Variants in PLXDC2 observed in about 807,000 individuals in gnomAD.
PLXDC2 encodes plexin domain-containing protein 2.
PLXDC2 carries 40 observed loss-of-function variants against 68.9 expected under a neutral mutation model. That is an observed-to-expected ratio of 0.58 (90% CI 0.45 to 0.76). The LOEUF (loss-of-function observed/expected upper bound fraction) is 0.76, where lower values mean the gene tolerates loss of function less well. Among genes scored for constraint, PLXDC2 ranks in the 30% least tolerant of loss-of-function variants. The pLI is 0.00. For synonymous variants in PLXDC2, 243 were observed against 234.2 expected (o/e 1.04, Z -0.34); for missense variants, 644 against 661.9 (o/e 0.97, Z 0.30).
chr10:20,215,431 A>G (rs747868025), intron 10 of PLXDC2, among the ~76,000 whole-genome samples: 3 of 152,082 alleles, frequency 2.0e-5, no homozygotes, highest in Non-Finnish European at 2.9e-5. Context: ...ATGGAGGGAA[A>G]GCAGTATAAT....
intron 4 of PLXDC2, among the ~76,000 whole-genome samples, chr10:20,072,456 A>AG: frequency 7.2e-6 from 1 of 139,664 alleles, no homozygotes; most frequent in Non-Finnish European, 1.6e-5. Flanking sequence ...AAAGAAAGAA[A>AG]AAGAAGAAAG....
In PLXDC2 at chr10:20,281,746, T is replaced by G. The variant is rs1836084565; in HGVS notation, c.*1927T>G. 6.6e-6 allele frequency: 1 copy of G among 152,152 alleles called. No homozygotes were observed. The highest frequency in any genetic ancestry group is 6.6e-5 in the Admixed American group (1 of 15,258). The allele number at this position is 152,152 out of a possible 1,614,324, so 9.4% of individuals were successfully genotyped here. A position where few individuals can be genotyped will look rare whatever the true frequency, so the allele number is the denominator to read the frequency against. On this transcript the variant is annotated 3_prime_UTR_variant, in exon 14 of 14. Coordinates refer to ENST00000377252, the MANE Select transcript of PLXDC2 (RefSeq NM_032812.9). ...GTTTATGTGAAGTATCCCCACTTATTCTTGTGGAGCAGGTTTGGTGAGACA... is the reference window on the plus strand; with the variant it reads ...GTTTATGTGAAGTATCCCCACTTATGCTTGTGGAGCAGGTTTGGTGAGACA...
At chr10:20,273,578 T>C (rs1835967197) in intron 13 of PLXDC2, among the ~76,000 whole-genome samples, 6 of 152,238 alleles carry the variant, frequency 3.9e-5, no homozygotes, top group Admixed American at 3.9e-4. Flanking sequence ...TATGTATATA[T>C]GTATGTTGAC....
intron 12 of PLXDC2, among the ~76,000 whole-genome samples, chr10:20,242,403 T>G (rs1367711984): frequency 6.6e-6 from 1 of 152,160 alleles, no homozygotes; most frequent in Admixed American, 6.5e-5. Context: ...CTAAGAACTT[T>G]ATATGTATTA....
intron 12 of PLXDC2, among the ~76,000 whole-genome samples, chr10:20,240,610 G>T (rs1033488990): frequency 6.8e-6 from 1 of 146,536 alleles, no homozygotes; most frequent in African/African-American, 2.5e-5. Flanking sequence ...TAATTAAGCC[G>T]TCATAATACC....
intron 1 of PLXDC2, among the ~76,000 whole-genome samples, chr10:19,872,184 C>T (rs1166302639): frequency 6.6e-6 from 1 of 152,150 alleles, no homozygotes; most frequent in Non-Finnish European, 1.5e-5. Flanking sequence ...TAGTCCAGGA[C>T]ATGAACGAAG....
chr10:20,278,878 T>C (rs1177117455), intron 13 of PLXDC2, among the ~76,000 whole-genome samples: 4 of 152,226 alleles, frequency 2.6e-5, no homozygotes, highest in Non-Finnish European at 5.9e-5. Context: ...AGTGTCACTA[T>C]GGCTGTGAAA....
In PLXDC2 at chr10:19,833,307, G is replaced by A. The variant is rs117204470; in HGVS notation, c.112+16116G>A. Among the ~76,000 whole-genome samples the A allele has an allele frequency of 2.9e-3, 441 of 152,308 alleles. 9 individuals carry two copies. The East Asian group carries it at 0.054, about 19-fold the overall frequency. On this transcript the variant is annotated intron_variant, in intron 1 of 13. Transcript: ENST00000377252. ...AGGCCAATGAGAGCCTTTGATGGCCGTGGGAACAGTAAATTGCAGCAGTGC... is the reference window on the plus strand; with the variant it reads ...AGGCCAATGAGAGCCTTTGATGGCCATGGGAACAGTAAATTGCAGCAGTGC...
At position 20,288,486 on chromosome 10, in the gene PLXDC2, C is replaced by T. The variant is rs778359656; in HGVS notation, c.*8667C>T. On this transcript the variant is annotated 3_prime_UTR_variant, in exon 14 of 14. Coordinates refer to ENST00000377252, the MANE Select transcript of PLXDC2 (RefSeq NM_032812.9). Reference sequence around the variant, plus strand: ...GTAAAAATGATTGTATCTGAATCTGCACTAATGGTGTCTGAGAGCAAAAAG... The same window carrying T: ...GTAAAAATGATTGTATCTGAATCTGTACTAATGGTGTCTGAGAGCAAAAAG... The T allele has an allele frequency of 4.6e-5, 7 of 151,982 alleles. No individual in the cohort carries two copies. Among genetic ancestry groups the T allele is most frequent in the Non-Finnish European group, 8.8e-5 (6 of 68,020 alleles). 9.4% of individuals were successfully genotyped at this position (151,982 alleles called of 1,614,324 possible). A position where few individuals can be genotyped will look rare whatever the true frequency, so the allele number is the denominator to read the frequency against.
At chr10:19,927,577 C>T (rs1386091580) in intron 1 of PLXDC2, among the ~76,000 whole-genome samples, 3 of 151,616 alleles carry the variant, frequency 2.0e-5, no homozygotes, top group African/African-American at 7.3e-5. Context: ...TGGCGCATGG[C>T]TATAGTCCCA....
intron 4 of PLXDC2, among the ~76,000 whole-genome samples, chr10:20,071,624 A>T (rs1301605198): frequency 6.6e-6 from 1 of 152,172 alleles, no homozygotes; most frequent in Non-Finnish European, 1.5e-5. Context: ...AGCCATGTAC[A>T]ACTGTGAGTC....
chr10:19,920,331 G>T (rs1833439160), intron 1 of PLXDC2, among the ~76,000 whole-genome samples: 1 of 152,190 alleles, frequency 6.6e-6, no homozygotes, highest in African/African-American at 2.4e-5. Context: ...CCTAAATGTT[G>T]CATTTCCCAA....
At chr10:20,140,518 G>A (rs1272271344) in intron 4 of PLXDC2, among the ~76,000 whole-genome samples, 5 of 151,782 alleles carry the variant, frequency 3.3e-5, no homozygotes, top group Non-Finnish European at 5.9e-5. Flanking sequence ...TGGTATCTGT[G>A]AGTACCTTTA....
intron 1 of PLXDC2, among the ~76,000 whole-genome samples, chr10:19,987,307 A>G (rs945940009): frequency 1.3e-5 from 2 of 152,138 alleles, no homozygotes; most frequent in Admixed American, 1.3e-4. Flanking sequence ...CACCATTCTA[A>G]ATACCTAAAC....
At chr10:19,860,633 T>A (rs1295899584) in intron 1 of PLXDC2, among the ~76,000 whole-genome samples, 3 of 152,200 alleles carry the variant, frequency 2.0e-5, no homozygotes, top group African/African-American at 7.2e-5. Context: ...AAGACATGTC[T>A]GTTTTGTTCA....
chr10:19,866,460 A>G (rs1310457866), intron 1 of PLXDC2, among the ~76,000 whole-genome samples: 2 of 152,164 alleles, frequency 1.3e-5, no homozygotes, highest in Admixed American at 6.5e-5. Flanking sequence ...TCTTTCTCAC[A>G]CTTAAAAGGA....
chr10:20,160,893 G>A (rs1203396405), intron 6 of PLXDC2, among the ~76,000 whole-genome samples: 1 of 152,116 alleles, frequency 6.6e-6, no homozygotes, highest in Non-Finnish European at 1.5e-5. Flanking sequence ...GGAGGCTGAG[G>A]CAGGAGTATT....
At chr10:19,933,196 C>G (rs889511218) in intron 1 of PLXDC2, among the ~76,000 whole-genome samples, 5 of 152,164 alleles carry the variant, frequency 3.3e-5, no homozygotes, top group African/African-American at 4.8e-5. Flanking sequence ...ATTCGTTATT[C>G]TTTTCTGTTT....
chr10:19,907,433 A>G (rs960703620), intron 1 of PLXDC2, among the ~76,000 whole-genome samples: 5 of 152,202 alleles, frequency 3.3e-5, no homozygotes, highest in African/African-American at 1.2e-4. Context: ...GCACAGGAAC[A>G]CAGCGAAGGA....
Sources: gnomAD v4.1 joint callset for allele counts (sites outside exome capture counted in the v4.1 genomes callset) on GRCh38, gnomAD v4.1.1 for gene constraint, MANE v1.5 for transcripts, NCBI Gene and HGNC (gene_info 2026-07-23, HGNC 2026-07-21) for gene names.